The following GOLGB1 variants were observed in gnomAD, a reference collection of about 807,000 sequenced individuals.
GOLGB1 encodes the protein golgin B1.
GOLGB1 carries 174 observed loss-of-function variants against 336.9 expected under a neutral mutation model. The observed-to-expected ratio is 0.52, with a 90% CI of 0.46 to 0.59. The LOEUF (loss-of-function observed/expected upper bound fraction) is 0.59, where lower values mean the gene tolerates loss of function less well. Ranked by LOEUF, GOLGB1 falls within the 20% of genes least tolerant of loss-of-function variation. The pLI, the probability that GOLGB1 is intolerant of heterozygous loss-of-function variation, is 0.00. For synonymous variants in GOLGB1, 1,208 were observed against 1,289.2 expected (o/e 0.94, Z 1.35); for missense variants, 3,331 against 3,645.3 (o/e 0.91, Z 2.22).
Position 121,698,201 on chromosome 3 carries a change from C to T in GOLGB1, c.2322G>A (p.Leu774=). 6.2e-7 allele frequency: 1 copy of T among 1,613,784 alleles called. No homozygotes were observed. The highest frequency in any genetic ancestry group is 8.5e-7 in the Non-Finnish European group (1 of 1,179,934). The change falls in exon 13 of 22, where the codon CTG becomes CTA. Residue 774 remains leucine (L), a synonymous_variant. Coordinates refer to ENST00000614479, the MANE Select transcript of GOLGB1 (RefSeq NM_001366282.2). ...TTTCTGCTTCTGCAAGGTTCATTTC[C>T]AGTTGCTTTACCTGAGCCCTCAATT... is the stretch of plus-strand genomic sequence containing the variant. The part of the protein sequence containing the change: ...VTELRAQVKQ[L]EMNLAEAERQ...
chr3:121,668,037 G>C (rs755610551), intron 19 of GOLGB1, 24 bp downstream of exon 19: 2 of 1,302,918 alleles, frequency 1.5e-6, no homozygotes, highest in Non-Finnish European at 2.2e-6. Context: ...GTATGCTCCA[G>C]GGTTTAGAGA....
Position 121,698,165 on chromosome 3 carries a change from T to G in GOLGB1, c.2358A>C (p.Arg786Ser). 1 of 1,613,820 alleles carries G rather than the reference T, an allele frequency of 6.2e-7. No individual in the cohort carries two copies. The highest frequency in any genetic ancestry group is 8.5e-7 in the Non-Finnish European group (1 of 1,179,956). The stretch of plus-strand genomic sequence containing the variant: ...GGGCAGTTTGGCTTTCATAATCAAG[T>G]CTTCTTTGCCTTTCTGCTTCTGCAA... ...MNLAEAERQRRLDYESQTAHD... is the reference protein window; with the variant it reads ...MNLAEAERQRSLDYESQTAHD... The change falls in exon 13 of 22, where the codon AGA (arginine) becomes AGC (serine). Residue 786 changes from arginine to serine, a missense_variant. Arg to Ser is a moderately radical substitution (Grantham distance 110). Transcript: ENST00000614479.
intron 11 of GOLGB1, among the ~76,000 whole-genome samples, chr3:121,700,512 C>T (rs1943307270): frequency 6.6e-6 from 1 of 151,976 alleles, no homozygotes; most frequent in African/African-American, 2.4e-5. Context: ...GAGAAGATAA[C>T]ACAGATACAC....
chr3:121,719,955 G>A (rs1260739984), intron 6 of GOLGB1, among the ~76,000 whole-genome samples, 187 bp from the exon 7 acceptor site: 1 of 152,154 alleles, frequency 6.6e-6, no homozygotes, highest in Non-Finnish European at 1.5e-5. Context: ...AAATGCGAGA[G>A]AAAGCCTATT....
rs1020827869 is a variant in GOLGB1 at position 121,698,485 on chromosome 3, C to G, written c.2038G>C (p.Val680Leu). The G allele has an allele frequency of 4.3e-6, 7 of 1,613,232 alleles. No homozygotes were observed. Among genetic ancestry groups the G allele is most frequent in the Non-Finnish European group, 5.9e-6 (7 of 1,179,386 alleles). The change falls in exon 13 of 22, where the codon GTA (valine) becomes CTA (leucine). Residue 680 changes from valine (V) to leucine (L), a missense_variant. Val to Leu is a conservative substitution (Grantham distance 32, BLOSUM62 1). Transcript: ENST00000614479. ...TGATGACACTGACCAATATCTGGTA[C>G]AGCAGAAAGGGATTTATCACCATCC... ...KQDGDKSLSA[V>L]PDIGQCHQDE...
At chr3:121,744,225 T>C (rs4676742) in intron 1 of GOLGB1, among the ~76,000 whole-genome samples, 152,218 of 152,232 alleles carry the variant, frequency 1, 76,102 homozygotes, top group Non-Finnish European at 1. Flanking sequence ...ACAAAATCTG[T>C]AAGATAAGTA....
At chr3:121,668,638 A>G (rs1159393384) in intron 18 of GOLGB1, 3 of 147,464 alleles carry the variant, frequency 2.0e-5, no homozygotes, top group African/African-American at 7.7e-5. Context: ...GTGCTACTGC[A>G]TTCCAGCCTG....
intron 10 of GOLGB1, among the ~76,000 whole-genome samples, chr3:121,708,042 A>G (rs1003908326): frequency 6.6e-6 from 1 of 152,222 alleles, no homozygotes; most frequent in Non-Finnish European, 1.5e-5. Flanking sequence ...TTATCCATCA[A>G]TGAGTCAATG....
chr3:121,730,453 A>C (rs1177548386), intron 2 of GOLGB1, among the ~76,000 whole-genome samples: 1 of 151,130 alleles, frequency 6.6e-6, no homozygotes, highest in Non-Finnish European at 1.5e-5. Context: ...TATCATCTTA[A>C]AAAAAAAAGA....
chr3:121,732,298 A>G (rs916596128), intron 1 of GOLGB1, among the ~76,000 whole-genome samples: 11 of 152,220 alleles, frequency 7.2e-5, no homozygotes, highest in African/African-American at 2.2e-4. Context: ...AGAAACATTT[A>G]AGGAATAATA....
At chr3:121,732,555 C>A (rs1946189663) in intron 1 of GOLGB1, among the ~76,000 whole-genome samples, 1 of 152,128 alleles carries the variant, frequency 6.6e-6, no homozygotes, top group South Asian at 2.1e-4. Context: ...AAATGTAATG[C>A]TAATTCAAAA....
At chr3:121,716,588 ATCAAGAAGT>A in intron 9 of GOLGB1, 140 bp downstream of exon 9, 1 of 576,538 alleles carries the variant, frequency 1.7e-6, no homozygotes. Context: ...AGAAAAATGC[ATCAAGAAGT>A]TCAGAAGAGC....
rs756568102 is a variant in GOLGB1 at position 121,694,556 on chromosome 3, T to C, written c.5967A>G (p.Ser1989=). ...QLVKEKTKVE[S]EIRKEYLEKI... ...TCTCCAAATATTCCTTTCGTATTTC[T>C]GATTCCACCTTAGTTTTTTCCTTGA... Residue 1989 remains serine, a synonymous_variant, in exon 13 of 22, where the codon TCA becomes TCG. Coordinates refer to ENST00000614479, the MANE Select transcript of GOLGB1 (RefSeq NM_001366282.2). 3 of 1,612,730 alleles carry C rather than the reference T, an allele frequency of 1.9e-6. No homozygotes were observed. In the East Asian group the frequency reaches 6.7e-5, roughly 36 times the overall value.
intron 11 of GOLGB1, among the ~76,000 whole-genome samples, chr3:121,700,119 T>C (rs1161577940): frequency 1.3e-5 from 2 of 151,966 alleles, no homozygotes; most frequent in Non-Finnish European, 2.9e-5. Flanking sequence ...TACTAAATAG[T>C]GGAAGGTTTG....
rs1427116126 is a variant in GOLGB1, at chr3:121,694,864, C to T, written c.5659G>A (p.Gly1887Ser). The T allele has an allele frequency of 6.2e-7, 1 of 1,613,688 alleles. No individual in the cohort carries two copies. Among genetic ancestry groups the T allele is most frequent in the African/African-American group, 1.3e-5 (1 of 74,874 alleles). ...TCCTCCTGAAGCATTTTTAGTTCAC[C>T]ATCCTTTGTTGATATCTGACTCAGT... ...TLLSQISTKD[G>S]ELKMLQEEVT... The change falls in exon 13 of 22, where the codon GGT becomes AGT. Residue 1887 changes from glycine (G) to serine (S), a missense_variant. Coordinates refer to ENST00000614479, the MANE Select transcript of GOLGB1 (RefSeq NM_001366282.2).
chr3:121,745,443 T>C (rs1419618385), intron 1 of GOLGB1, among the ~76,000 whole-genome samples: 2 of 111,234 alleles, frequency 1.8e-5, no homozygotes, highest in East Asian at 5.5e-4. Flanking sequence ...TATATATACA[T>C]ATGTACACGT....
chr3:121,725,339 GA>G (rs1945502587), intron 5 of GOLGB1, among the ~76,000 whole-genome samples: 1 of 152,182 alleles, frequency 6.6e-6, no homozygotes, highest in Admixed American at 6.5e-5. Context: ...ACCGGCAGAG[GA>G]TGCTGAAAAT....
chr3:121,713,134 C>T (rs1944483319), intron 10 of GOLGB1, among the ~76,000 whole-genome samples: 1 of 152,024 alleles, frequency 6.6e-6, no homozygotes, highest in African/African-American at 2.4e-5. Context: ...TGTTCTCCAG[C>T]ATGGGCGACA....
intron 14 of GOLGB1, among the ~76,000 whole-genome samples, chr3:121,687,183 A>T (rs1417416283): frequency 6.6e-6 from 1 of 152,102 alleles, no homozygotes; most frequent in African/African-American, 2.4e-5. Flanking sequence ...AATTGCTTGA[A>T]CCTGGGAGGC....
Sources: allele counts gnomAD v4.1 joint callset (sites outside exome capture counted in the v4.1 genomes callset), GRCh38; gene constraint gnomAD v4.1.1; transcripts MANE v1.5; gene names NCBI Gene and HGNC (gene_info 2026-07-23, HGNC 2026-07-21).